The following RMDN2 variants were observed in gnomAD, a reference collection of about 807,000 sequenced individuals.
The protein encoded by RMDN2 is regulator of microtubule dynamics protein 2.
In RMDN2, 61 loss-of-function variants were observed where a neutral mutation model predicts 52.8. The ratio of observed to expected loss-of-function variants is 1.16; its 90% CI spans 0.94 to 1.43. The LOEUF (loss-of-function observed/expected upper bound fraction) is 1.43, where lower values mean the gene tolerates loss of function less well. Ranked by LOEUF, RMDN2 falls within the 40% of genes most tolerant of loss-of-function variation. The pLI, the probability that RMDN2 is intolerant of heterozygous loss-of-function variation, is 0.00. For missense variants in RMDN2, 592 were observed against 475.3 expected, an observed-to-expected ratio of 1.25 and a Z score of -2.28; for synonymous variants, 180 against 153.1, an observed-to-expected ratio of 1.18 and a Z score of -1.30.
intron 10 of RMDN2, among the ~76,000 whole-genome samples, chr2:38,026,019 G>C (rs1679756068): frequency 6.6e-6 from 1 of 152,022 alleles, no homozygotes; most frequent in Admixed American, 6.5e-5. Context: ...ATGTAGAATT[G>C]ATATCGTTTC....
chr2:38,003,024 C>G (rs1485955589), intron 8 of RMDN2: 1 of 152,196 alleles, frequency 6.6e-6, no homozygotes, highest in Admixed American at 6.5e-5. Flanking sequence ...GATAAAGGAA[C>G]TGGTACATAA....
downstream of RMDN2, among the ~76,000 whole-genome samples, chr2:38,019,017 G>T (rs779932766): frequency 1.5e-3 from 222 of 152,318 alleles, 2 homozygotes; most frequent in Non-Finnish European, 3.5e-4. Flanking sequence ...AATCAGTCCA[G>T]CTGGTTCTCA....
At chr2:38,058,837 A>G (rs953834394) in intron 10 of RMDN2, among the ~76,000 whole-genome samples, 1 of 152,196 alleles carries the variant, frequency 6.6e-6, no homozygotes, top group African/African-American at 2.4e-5. Flanking sequence ...GTCATTGGAA[A>G]ACGCAAATCT....
intron 2 of RMDN2, chr2:37,951,352 C>T (rs143502618): frequency 1.2e-6 from 2 of 1,613,268 alleles, no homozygotes; most frequent in Non-Finnish European, 1.7e-6. Flanking sequence ...GGTCATAAAA[C>T]ATCTTATTCC....
chr2:38,007,469 C>G (rs1400258263), intron 10 of RMDN2, among the ~76,000 whole-genome samples: 4 of 152,116 alleles, frequency 2.6e-5, no homozygotes, highest in Non-Finnish European at 5.9e-5. Context: ...TCCATGTCTT[C>G]CAGATTTTCT....
At chr2:38,035,293 G>C (rs936308405) in intron 10 of RMDN2, among the ~76,000 whole-genome samples, 13 of 152,048 alleles carry the variant, frequency 8.5e-5, no homozygotes, top group African/African-American at 3.1e-4. Context: ...AGAAATTGAA[G>C]GAACCCCAAA....
At chr2:37,956,195 T>C (rs1288181901) in intron 2 of RMDN2, among the ~76,000 whole-genome samples, 2 of 152,176 alleles carry the variant, frequency 1.3e-5, no homozygotes, top group East Asian at 1.9e-4. Flanking sequence ...TATTTGGGCT[T>C]TCACTTTTTG....
rs543939040 is a variant in RMDN2, at chr2:38,064,489, CA to C, written c.1714-2482del. ...TGGGTGACAGAGCGAGACTCCATCT[CA>C]AAAAAAAAAAGAAAGAAAGAAACAG... is the stretch of plus-strand genomic sequence containing the variant. On this transcript the variant is annotated intron_variant, in intron 10 of 10. Coordinates refer to the RMDN2 transcript ENST00000234195. Among the ~76,000 whole-genome samples, 614 of 133,726 alleles carry C rather than the reference CA, an allele frequency of 4.6e-3. 4 individuals are homozygous for C. The highest frequency in any genetic ancestry group is 0.014 in the African/African-American group (525 of 36,316). The allele number at this position is 133,726 out of a possible 152,430, so 87.7% of individuals were successfully genotyped here.
At chr2:37,997,309 CACACACACACGTATATACACATA>C in intron 7 of RMDN2, 84 bp from the exon 8 acceptor site, 1 of 690,032 alleles carries the variant, frequency 1.4e-6, no homozygotes, top group East Asian at 2.7e-5. Context: ...TATATCTATA[CACACACACACGTATATACACATA>C]ACACACACAC....
rs77873495 is a variant in RMDN2 at position 37,935,233 on chromosome 2, C to T, written c.452+5504C>T. Among the ~76,000 whole-genome samples, 230 of 152,216 alleles carry T rather than the reference C, an allele frequency of 1.5e-3. 5 individuals carry two copies. The East Asian group carries it at 0.037, about 25-fold the overall frequency. ...TATATTGCCTTAGATAATATTACTT[C>T]GTAGATAATAGAGAATGATGATGAA... On this transcript the variant is annotated intron_variant, in intron 2 of 10. Coordinates refer to ENST00000354545, the MANE Select transcript of RMDN2 (RefSeq NM_001170791.3).
intron 2 of RMDN2, among the ~76,000 whole-genome samples, chr2:37,933,670 G>A (rs971633270): frequency 6.6e-6 from 1 of 152,274 alleles, no homozygotes; most frequent in Admixed American, 6.5e-5. Flanking sequence ...CACTTGGCAG[G>A]CTGAGGCAGG....
At chr2:38,057,304 G>T (rs926043147) in intron 10 of RMDN2, among the ~76,000 whole-genome samples, 20 of 152,174 alleles carry the variant, frequency 1.3e-4, no homozygotes, top group Non-Finnish European at 2.8e-4. Context: ...GCTGCCATAG[G>T]CATTACAGTC....
chr2:38,011,279 C>T (rs1677952051), intron 10 of RMDN2, among the ~76,000 whole-genome samples: 1 of 152,138 alleles, frequency 6.6e-6, no homozygotes, highest in South Asian at 2.1e-4. Context: ...TGTCTCTTGC[C>T]CTTTGATTCA....
intron 10 of RMDN2, among the ~76,000 whole-genome samples, chr2:38,059,327 G>A (rs1034173264): frequency 3.3e-5 from 5 of 152,176 alleles, no homozygotes; most frequent in African/African-American, 1.2e-4. Context: ...CTTTTTGTGA[G>A]TAGATTATTT....
chr2:38,031,683 T>C (rs999860010), intron 10 of RMDN2, among the ~76,000 whole-genome samples: 2 of 152,142 alleles, frequency 1.3e-5, no homozygotes, highest in African/African-American at 4.8e-5. Flanking sequence ...GTGACTATTA[T>C]CAACACCTGG....
intron 10 of RMDN2, among the ~76,000 whole-genome samples, chr2:38,062,245 C>G (rs1322973669): frequency 6.6e-6 from 1 of 152,188 alleles, no homozygotes; most frequent in Non-Finnish European, 1.5e-5. Flanking sequence ...CCCCTTTAAC[C>G]CTCGACAACC....
rs57530338 is a variant in RMDN2, at chr2:38,003,546, T to TGATAGATAGATAGATAGATAGATA, written c.1045-411_1045-388dup. 9.0e-4 allele frequency among the ~76,000 whole-genome samples: 119 copies of TGATAGATAGATAGATAGATAGATA among 132,464 alleles called. 1 individual carries two copies. Among genetic ancestry groups the TGATAGATAGATAGATAGATAGATA allele is most frequent in the East Asian group, 1.1e-3 (5 of 4,406 alleles). The allele number at this position is 132,464 out of a possible 152,430, so 86.9% of individuals were successfully genotyped here. On this transcript the variant is annotated intron_variant, in intron 8 of 10. Transcript: ENST00000354545. ...CCAGCCTGGGCAACAAAGCAAGACC[T>TGATAGATAGATAGATAGATAGATA]GATAGATAGATAGATAGATAGATAG...
intron 2 of RMDN2, among the ~76,000 whole-genome samples, chr2:37,938,692 A>C (rs953728776): frequency 2.4e-4 from 36 of 152,214 alleles, no homozygotes; most frequent in African/African-American, 8.4e-4. Context: ...AGAGGTGTTT[A>C]TAGTATTCTT....
At chr2:38,035,072 G>T (rs1434536530) in intron 10 of RMDN2, among the ~76,000 whole-genome samples, 1 of 152,022 alleles carries the variant, frequency 6.6e-6, no homozygotes, top group African/African-American at 2.4e-5. Flanking sequence ...ATTTATGTTG[G>T]CAAATAAATT....
Sources: gnomAD v4.1 joint callset for allele counts (sites outside exome capture counted in the v4.1 genomes callset) on GRCh38, gnomAD v4.1.1 for gene constraint, MANE v1.5 for transcripts, NCBI Gene and HGNC (gene_info 2026-07-23, HGNC 2026-07-21) for gene names.